MKLN1: variants seen among roughly 807,000 people sequenced by gnomAD.
MKLN1 encodes muskelin 1, also known as muskelin.
MKLN1 carries 18 observed loss-of-function variants against 99.0 expected under a neutral mutation model. That is an observed-to-expected ratio of 0.18 (90% CI 0.13 to 0.27). The LOEUF (loss-of-function observed/expected upper bound fraction) is 0.27. Ranked by LOEUF, MKLN1 falls within the 10% of genes least tolerant of loss-of-function variation. The pLI is 1.00. For synonymous variants in MKLN1, 288 were observed against 293.2 expected (o/e 0.98, Z 0.18); for missense variants, 621 against 875.9 (o/e 0.71, Z 3.67).
intron 3 of MKLN1, among the ~76,000 whole-genome samples, chr7:131,206,139 C>G (rs942382544): frequency 5.3e-5 from 8 of 152,080 alleles, no homozygotes; most frequent in South Asian, 2.1e-4. Flanking sequence ...GGTGATCCAC[C>G]GCCTCAGCCT....
intron 1 of MKLN1, among the ~76,000 whole-genome samples, chr7:131,112,140 G>A (rs10238434): frequency 0.96 from 146,990 of 152,328 alleles, 71,150 homozygotes; most frequent in East Asian, 1. Context: ...GATGGAAAAT[G>A]AAGCCCTTTG....
intron 2 of MKLN1, among the ~76,000 whole-genome samples, chr7:131,173,779 C>G (rs547928749): frequency 1.3e-5 from 2 of 151,832 alleles, no homozygotes; most frequent in Admixed American, 1.3e-4. Flanking sequence ...TGCTGCTCCA[C>G]GAGGAGCAGC....
Position 131,377,063 on chromosome 7 carries a change from C to A in MKLN1, c.168+1570C>A, listed in dbSNP as rs73153481. ...ATAAATATGCCAAAATGTATTTATCCATTTTGCTGATGATAGGCATTTAGG... is the reference window on the plus strand; with the variant it reads ...ATAAATATGCCAAAATGTATTTATCAATTTTGCTGATGATAGGCATTTAGG... On this transcript the variant is annotated intron_variant, in intron 2 of 17. Transcript: ENST00000352689. 1.5e-3 allele frequency among the ~76,000 whole-genome samples: 221 copies of A among 152,118 alleles called. 1 individual carries two copies. Among genetic ancestry groups the A allele is most frequent in the Admixed American group, 2.5e-3 (38 of 15,280 alleles).
At chr7:131,191,865 C>G (rs1796546430) in intron 2 of MKLN1, among the ~76,000 whole-genome samples, 1 of 150,332 alleles carries the variant, frequency 6.7e-6, no homozygotes, top group African/African-American at 2.4e-5. Context: ...AGGCAGCTGC[C>G]ACCATGCCTG....
At chr7:131,351,046 T>C (rs1799705405) in intron 1 of MKLN1, among the ~76,000 whole-genome samples, 2 of 152,312 alleles carry the variant, frequency 1.3e-5, no homozygotes, top group African/African-American at 4.8e-5. Flanking sequence ...CAAACGCTTA[T>C]TGCATTTGTT....
chr7:131,193,576 A>G (rs544421792), intron 2 of MKLN1, among the ~76,000 whole-genome samples: 9 of 152,180 alleles, frequency 5.9e-5, no homozygotes, highest in South Asian at 4.2e-4. Flanking sequence ...AGGTTTCACC[A>G]TATTGGCCAG....
rs935732716 is a variant in MKLN1, at chr7:131,494,316, T to C, written c.*6588T>C. 6.6e-6 allele frequency: 1 copy of C among 152,150 alleles called. No homozygotes were observed. Among genetic ancestry groups the C allele is most frequent in the Admixed American group, 6.6e-5 (1 of 15,266 alleles). 9.4% of individuals were successfully genotyped at this position (152,150 alleles called of 1,614,324 possible). The stretch of plus-strand genomic sequence containing the variant: ...GCGTGTAGAATAAATCCCAATCCCA[T>C]TGCAACTGGCAGAGCTTTATAAATC... On this transcript the variant is annotated 3_prime_UTR_variant, in exon 18 of 18. Coordinates refer to ENST00000352689, the MANE Select transcript of MKLN1 (RefSeq NM_013255.5).
chr7:131,445,734 G>T, intron 11 of MKLN1, 40 bp from the exon 12 acceptor site: 4 of 1,541,982 alleles, frequency 2.6e-6, no homozygotes, highest in South Asian at 1.2e-5. Context: ...TCATGGAAGT[G>T]ATAAGTTACT....
chr7:131,168,892 G>A (rs1225735083), intron 2 of MKLN1, among the ~76,000 whole-genome samples: 1 of 142,284 alleles, frequency 7.0e-6, no homozygotes, highest in African/African-American at 2.6e-5. Flanking sequence ...TTTTGAGATA[G>A]CATCTAGCTC....
intron 3 of MKLN1, among the ~76,000 whole-genome samples, chr7:131,272,809 T>C (rs1386008256): frequency 1.3e-5 from 2 of 152,096 alleles, no homozygotes; most frequent in East Asian, 1.9e-4. Flanking sequence ...ATCACGAGAA[T>C]AGTACGGGAA....
chr7:131,199,089 A>C (rs962919036), intron 2 of MKLN1, among the ~76,000 whole-genome samples: 23 of 152,154 alleles, frequency 1.5e-4, no homozygotes, highest in Non-Finnish European at 1.8e-4. Flanking sequence ...AGGGAGGTTC[A>C]CCCCTGTAAT....
At chr7:131,231,984 A>G (rs1797250699) in intron 3 of MKLN1, among the ~76,000 whole-genome samples, 1 of 152,218 alleles carries the variant, frequency 6.6e-6, no homozygotes, top group Non-Finnish European at 1.5e-5. Flanking sequence ...CTGAAATTAT[A>G]ATATTTAGTT....
intron 2 of MKLN1, among the ~76,000 whole-genome samples, chr7:131,169,802 T>C (rs1796190359): frequency 6.6e-6 from 1 of 152,234 alleles, no homozygotes; most frequent in Non-Finnish European, 1.5e-5. Context: ...ATAAAGATTC[T>C]AAGCAAATTC....
chr7:131,130,599 CAT>C (rs1278259071), intron 1 of MKLN1, among the ~76,000 whole-genome samples: 1 of 152,146 alleles, frequency 6.6e-6, no homozygotes, highest in African/African-American at 2.4e-5. Context: ...AGATGACAGA[CAT>C]ATTTGTCATA....
intron 3 of MKLN1, among the ~76,000 whole-genome samples, chr7:131,272,738 A>G (rs1276637676): frequency 1.3e-5 from 2 of 152,308 alleles, no homozygotes; most frequent in African/African-American, 2.4e-5. Flanking sequence ...GAGAAAAATG[A>G]GGAAGAAGCA....
chr7:131,351,971 C>T (rs776037562), intron 1 of MKLN1, among the ~76,000 whole-genome samples: 1 of 152,108 alleles, frequency 6.6e-6, no homozygotes, highest in Non-Finnish European at 1.5e-5. Flanking sequence ...TAAAATTTTC[C>T]CTTGTCTATT....
chr7:131,270,122 C>T (rs1797863239), intron 3 of MKLN1, among the ~76,000 whole-genome samples: 1 of 151,908 alleles, frequency 6.6e-6, no homozygotes, highest in Non-Finnish European at 1.5e-5. Flanking sequence ...CAGGGTATCA[C>T]CATGTTAGCC....
intron 1 of MKLN1, among the ~76,000 whole-genome samples, chr7:131,352,541 T>A (rs533770310): frequency 1.3e-5 from 2 of 152,314 alleles, no homozygotes; most frequent in East Asian, 3.9e-4. Flanking sequence ...GTTGAAAATG[T>A]TTCCCAGTAT....
chr7:131,333,725 A>T (rs1286352598), intron 1 of MKLN1, among the ~76,000 whole-genome samples: 1 of 151,990 alleles, frequency 6.6e-6, no homozygotes, highest in Non-Finnish European at 1.5e-5. Flanking sequence ...TTTAGTAGAG[A>T]CGGGGTTTCT....
Sources: gnomAD v4.1 joint callset for allele counts (sites outside exome capture counted in the v4.1 genomes callset) on GRCh38, gnomAD v4.1.1 for gene constraint, MANE v1.5 for transcripts, NCBI Gene and HGNC (gene_info 2026-07-23, HGNC 2026-07-21) for gene names.